Variants in AP2A1 observed in about 807,000 individuals in gnomAD.
The protein encoded by AP2A1 is adaptor related protein complex 2 subunit alpha 1, also known as AP-2 complex subunit alpha-1.
In AP2A1, 21 loss-of-function variants were observed where a neutral mutation model predicts 107.3. The observed-to-expected ratio is 0.20, with a 90% confidence interval of 0.14 to 0.28. The LOEUF (loss-of-function observed/expected upper bound fraction) is 0.28, where lower values mean the gene tolerates loss of function less well. AP2A1 is among the 10% of genes least tolerant of loss of function. AP2A1 has a pLI of 1.00. For missense variants in AP2A1, 873 were observed against 1,307.7 expected (o/e 0.67, Z 5.13); for synonymous variants, 602 against 564.8 (o/e 1.07, Z -0.93).
At chr19:49,805,272 G>C (rs1269138942) in intron 18 of AP2A1, 181 bp from the exon 19 acceptor site, 4 of 637,022 alleles carry the variant, frequency 6.3e-6, no homozygotes, top group Non-Finnish European at 1.0e-5. Flanking sequence ...CCTAGGGGGC[G>C]CCTCAGAGGT....
intron 4 of AP2A1, among the ~76,000 whole-genome samples, chr19:49,790,068 G>T (rs777854774): frequency 2.0e-5 from 3 of 152,160 alleles, no homozygotes; most frequent in Non-Finnish European, 4.4e-5. Flanking sequence ...CCAGCACAGC[G>T]GTGTCAAACA....
chr19:49,770,167 C>T (rs1208534035), intron 1 of AP2A1, among the ~76,000 whole-genome samples: 1 of 152,128 alleles, frequency 6.6e-6, no homozygotes, highest in Non-Finnish European at 1.5e-5. Context: ...CTGCACCCAG[C>T]CTGGGATACA....
At position 49,772,254 on chromosome 19, in the gene AP2A1, T is replaced by C. The variant is rs969253820; in HGVS notation, c.67+5054T>C. ...TTTGTATTTTTCATAGAGTTTTTTTTTTTTTTTTTTTTTTTTTTTTTTTGA... is the reference window on the plus strand; with the variant it reads ...TTTGTATTTTTCATAGAGTTTTTTTCTTTTTTTTTTTTTTTTTTTTTTTGA... On this transcript the variant is annotated intron_variant, in intron 1 of 22. Transcript: ENST00000354293. Among the ~76,000 whole-genome samples the C allele has an allele frequency of 4.5e-3, 525 of 116,126 alleles. 14 individuals are homozygous for C. Among genetic ancestry groups the C allele is most frequent in the African/African-American group, 0.016 (491 of 31,110 alleles). 76.2% of individuals were successfully genotyped at this position (116,126 alleles called of 152,430 possible).
intron 4 of AP2A1, among the ~76,000 whole-genome samples, chr19:49,789,947 A>T (rs1355981511): frequency 6.6e-6 from 1 of 152,140 alleles, no homozygotes; most frequent in Non-Finnish European, 1.5e-5. Context: ...GAGCTGGGTT[A>T]TGGTTGGGGC....
Position 49,785,700 on chromosome 19 carries a change from T to C in AP2A1, c.473+2976T>C, listed in dbSNP as rs1228010157. On this transcript the variant is annotated intron_variant, in intron 4 of 22. Coordinates refer to ENST00000354293, the MANE Select transcript of AP2A1 (RefSeq NM_130787.3). The surrounding 1 kb of genome is among the most constrained non-coding windows in gnomAD (Gnocchi z 4.1). ...GGGAGGCCAAGGTGGGCAGATCACT[T>C]GAGGTCAGGAGTTCAAGAACAGCTT... 6.6e-6 allele frequency among the ~76,000 whole-genome samples: 1 copy of C among 151,978 alleles called. No homozygotes were observed. The highest frequency in any genetic ancestry group is 2.4e-5 in the African/African-American group (1 of 41,386).
At position 49,798,946 on chromosome 19, in the gene AP2A1, A is replaced by G. The variant is rs902762307; in HGVS notation, c.959A>G (p.Tyr320Cys). 6 of 1,552,164 alleles carry G rather than the reference A, an allele frequency of 3.9e-6. No homozygotes were observed. The South Asian group carries it at 5.9e-5, about 15-fold the overall frequency. ...GAGACCATCAGCCTCATCATCCACTATGACAGGTGCCCGCCTGGGCCTATC... is the reference window on the plus strand; with the variant it reads ...GAGACCATCAGCCTCATCATCCACTGTGACAGGTGCCCGCCTGGGCCTATC... ...LFETISLIIH[Y>C]DSEPNLLVRA... Residue 320 changes from tyrosine to cysteine, a missense_variant, in exon 8 of 23, where the codon TAT becomes TGT. Tyr to Cys is a radical substitution (Grantham distance 194). This residue lies in a region of AP2A1 where 213 missense variants were observed against 443.5 expected (regional missense o/e 0.48). Coordinates refer to ENST00000354293, the MANE Select transcript of AP2A1 (RefSeq NM_130787.3).
At chr19:49,791,267 C>T (rs2073139195) in intron 4 of AP2A1, among the ~76,000 whole-genome samples, 1 of 152,116 alleles carries the variant, frequency 6.6e-6, no homozygotes, top group Non-Finnish European at 1.5e-5. Context: ...ACTCTGTTGC[C>T]CAAGCTAGAG....
At chr19:49,775,689 C>T (rs1337693326) in intron 1 of AP2A1, among the ~76,000 whole-genome samples, 1 of 152,138 alleles carries the variant, frequency 6.6e-6, no homozygotes, top group Non-Finnish European at 1.5e-5. Context: ...AGGCGGGAGG[C>T]ATTGCACCCA....
chr19:49,803,129 G>C lies in AP2A1; in HGVS notation c.2194G>C (p.Val732Leu). ...CAGGTTTGTGTGTAAGAACAACGGG[G>C]TCCTGTTCGAGAACCAGCTGCTGCA... is the stretch of plus-strand genomic sequence containing the variant. ...LNKFVCKNNGVLFENQLLQIG... is the reference protein window; with the variant it reads ...LNKFVCKNNGLLFENQLLQIG... The change falls in exon 17 of 23, where the codon GTC (valine) becomes CTC (leucine). Residue 732 changes from valine to leucine, a missense_variant. Val to Leu is a conservative substitution (Grantham distance 32). Coordinates refer to ENST00000354293, the MANE Select transcript of AP2A1 (RefSeq NM_130787.3). The C allele has an allele frequency of 6.2e-7, 1 of 1,614,006 alleles. No individual in the cohort carries two copies. The highest frequency in any genetic ancestry group is 8.5e-7 in the Non-Finnish European group (1 of 1,179,892).
At chr19:49,792,863 CAT>C (rs911240378) in intron 5 of AP2A1, 126 bp from the exon 6 acceptor site, 16 of 798,876 alleles carry the variant, frequency 2.0e-5, no homozygotes, top group African/African-American at 1.2e-4. Context: ...CACAGTGACA[CAT>C]GTGCACACCC....
rs960393380 is a variant in AP2A1, at chr19:49,767,043, G to A, written c.-91G>A. 19 of 1,400,450 alleles carry A rather than the reference G, an allele frequency of 1.4e-5. No homozygotes were observed. The South Asian group carries it at 2.3e-4, about 17-fold the overall frequency. 86.8% of individuals were successfully genotyped at this position (1,400,450 alleles called of 1,614,324 possible). A position where few individuals can be genotyped will look rare whatever the true frequency, so the allele number is the denominator to read the frequency against. On this transcript the variant is annotated 5_prime_UTR_variant, in exon 1 of 23. Transcript: ENST00000354293. Reference sequence around the variant, plus strand: ...GCGGCCGGCTCGGCTCCTTGGCGCTGCCTGGGGTCCTTTCCGCCCGGTCCC... The same window carrying A: ...GCGGCCGGCTCGGCTCCTTGGCGCTACCTGGGGTCCTTTCCGCCCGGTCCC...
chr19:49,783,848 A>G (rs868838709), intron 4 of AP2A1, among the ~76,000 whole-genome samples: 2 of 152,162 alleles, frequency 1.3e-5, no homozygotes, highest in African/African-American at 4.8e-5. Context: ...GAGGAAAATT[A>G]CCTGTCTGAA....
rs893057431 is a variant in AP2A1 at position 49,788,324 on chromosome 19, C to A, written c.474-3611C>A. 3.3e-5 allele frequency among the ~76,000 whole-genome samples: 5 copies of A among 152,168 alleles called. No individual in the cohort carries two copies. Among genetic ancestry groups the A allele is most frequent in the African/African-American group, 1.2e-4 (5 of 41,436 alleles). On this transcript the variant is annotated intron_variant, in intron 4 of 22. Transcript: ENST00000354293. The surrounding 1 kb of genome is among the most constrained non-coding windows in gnomAD (Gnocchi z 4.5). Reference sequence around the variant, plus strand: ...AACATTTTCCTAAGTAGCGCCATAGCCCTTATTCCACTTAACCAAGTTGAT... The same window carrying A: ...AACATTTTCCTAAGTAGCGCCATAGACCTTATTCCACTTAACCAAGTTGAT...
chr19:49,806,852 A>G lies in AP2A1; in HGVS notation c.*94A>G. 1 of 1,588,190 alleles carries G rather than the reference A, an allele frequency of 6.3e-7. No homozygotes were observed. Among genetic ancestry groups the G allele is most frequent in the Non-Finnish European group, 8.5e-7 (1 of 1,170,374 alleles). The stretch of plus-strand genomic sequence containing the variant: ...GATGGGGGACCTCCACTGGTGACAG[A>G]GAAGACACCAGGGTTTGGGGGATGC... On this transcript the variant is annotated 3_prime_UTR_variant, in exon 23 of 23. Transcript: ENST00000354293.
At chr19:49,797,895 A>T (rs34530448) in intron 7 of AP2A1, among the ~76,000 whole-genome samples, 38,501 of 151,064 alleles carry the variant, frequency 0.25, 5,581 homozygotes, top group South Asian at 0.39. Flanking sequence ...AGACTGGACA[A>T]CATAGTTGCC....
In AP2A1 at chr19:49,805,486, A is replaced by C. The variant is rs2073356984; in HGVS notation, c.2378A>C (p.Gln793Pro). ...LAVQTKRVAAQVDGGAQVQQV... is the reference protein window; with the variant it reads ...LAVQTKRVAAPVDGGAQVQQV... The stretch of plus-strand genomic sequence containing the variant: ...GTGCAGACCAAGCGCGTGGCGGCGC[A>C]GGTGGACGGCGGCGCGCAGGTGCAG... The change falls in exon 19 of 23, where the codon CAG (glutamine) becomes CCG (proline). Residue 793 changes from glutamine (Q) to proline (P), a missense_variant. Coordinates refer to ENST00000354293, the MANE Select transcript of AP2A1 (RefSeq NM_130787.3). The C allele has an allele frequency of 6.4e-7, 1 of 1,553,026 alleles. No homozygotes were observed. Among genetic ancestry groups the C allele is most frequent in the Non-Finnish European group, 8.7e-7 (1 of 1,148,674 alleles).
intron 1 of AP2A1, 74 bp from the exon 2 acceptor site, chr19:49,781,683 C>A: frequency 6.9e-7 from 1 of 1,449,424 alleles, no homozygotes; most frequent in East Asian, 2.5e-5. Flanking sequence ...TGGGTGGGGC[C>A]GCGCCTAGGA....
intron 4 of AP2A1, 137 bp from the exon 5 acceptor site, chr19:49,791,798 G>A (rs2073145336): frequency 8.6e-7 from 1 of 1,161,130 alleles, no homozygotes; most frequent in Admixed American, 2.3e-5. Flanking sequence ...CGCCAGACTG[G>A]ATCCTGCGGC....
At chr19:49,802,596 CTGAG>C in intron 15 of AP2A1, 1 of 1,594,288 alleles carries the variant, frequency 6.3e-7, no homozygotes, top group South Asian at 1.1e-5. Context: ...GCTCCAGCTG[CTGAG>C]TAAGGGGTGG....
Sources: gnomAD v4.1 joint callset for allele counts (sites outside exome capture counted in the v4.1 genomes callset) on GRCh38, gnomAD v4.1.1 for gene constraint, gnomAD v4.1.1 regional missense constraint, Gnocchi (gnomAD v3.1) non-coding constraint, MANE v1.5 for transcripts, NCBI Gene and HGNC (gene_info 2026-07-23, HGNC 2026-07-21) for gene names.